EPG5: variants seen among roughly 807,000 people sequenced by gnomAD.
The protein encoded by EPG5 is ectopic P-granules 5 autophagy tethering factor.
A neutral mutation model predicts 302.7 loss-of-function variants in EPG5; 159 were observed. The observed-to-expected ratio is 0.53, with a 90% CI of 0.46 to 0.60. EPG5 has a LOEUF of 0.60. Ranked by LOEUF, EPG5 falls within the 20% of genes least tolerant of loss-of-function variation. The pLI is 0.00. For synonymous variants in EPG5, 1,158 were observed against 1,136.8 expected (o/e 1.02, Z -0.37); for missense variants, 2,896 against 3,092.4 (o/e 0.94, Z 1.51).
rs10607646 is a variant in EPG5, at chr18:45,849,081, C to CAAAAAA, written c.*3380_*3385dup. 1 of 74,616 alleles carries CAAAAAA rather than the reference C, an allele frequency of 1.3e-5. No homozygotes were observed. The highest frequency in any genetic ancestry group is 2.9e-5 in the Non-Finnish European group (1 of 34,386). The allele number at this position is 74,616 out of a possible 1,614,324, so 4.6% of individuals were successfully genotyped here. A position where few individuals can be genotyped will look rare whatever the true frequency, so the allele number is the denominator to read the frequency against. On this transcript the variant is annotated 3_prime_UTR_variant, in exon 44 of 44. Transcript: ENST00000282041. Reference sequence around the variant, plus strand: ...CCTGGGTGACAGATGAGACTCGTCTCAAAAAAAAAAAAAAAAAAAAGACAT... The same window carrying CAAAAAA: ...CCTGGGTGACAGATGAGACTCGTCTCAAAAAAAAAAAAAAAAAAAAAAAAAAGACAT...
intron 11 of EPG5, among the ~76,000 whole-genome samples, chr18:45,932,468 C>T (rs1336116602): frequency 2.6e-5 from 4 of 152,106 alleles, no homozygotes; most frequent in African/African-American, 9.7e-5. Flanking sequence ...AATTTGTTCC[C>T]TGGAAACTGA....
At chr18:45,947,009 C>T (rs948551720) in intron 6 of EPG5, among the ~76,000 whole-genome samples, 5 of 152,248 alleles carry the variant, frequency 3.3e-5, no homozygotes, top group Admixed American at 1.3e-4. Flanking sequence ...ACTAGCACAG[C>T]TCCCTGCATG....
chr18:45,891,309 G>A (rs542310372), intron 27 of EPG5, among the ~76,000 whole-genome samples: 1 of 152,044 alleles, frequency 6.6e-6, no homozygotes, highest in South Asian at 2.1e-4. Context: ...GACATGCCTG[G>A]CCAACGTGGT....
chr18:45,925,289 T>G (rs1274551633), intron 14 of EPG5, among the ~76,000 whole-genome samples: 2 of 152,068 alleles, frequency 1.3e-5, no homozygotes. Context: ...CTGGCCAACA[T>G]GGCAAAACCC....
rs2050483526 is a variant in EPG5, at chr18:45,934,886, A to G, written c.2180T>C (p.Met727Thr). 1 of 1,614,212 alleles carries G rather than the reference A, an allele frequency of 6.2e-7. No homozygotes were observed. The highest frequency in any genetic ancestry group is 2.2e-5 in the East Asian group (1 of 44,882). ...VQMLWKLFYL[M>T]HQVESENLQQ... ...CAGGTTCTCGCTCTCCACCTGGTGCATGAGGTAGAAGAGCTTCCACAGCAT... is the reference window on the plus strand; with the variant it reads ...CAGGTTCTCGCTCTCCACCTGGTGCGTGAGGTAGAAGAGCTTCCACAGCAT... Residue 727 changes from methionine (M) to threonine (T), a missense_variant, in exon 11 of 44, where the codon ATG becomes ACG. By Grantham distance (81) the Met-to-Thr change is moderately conservative. Around this residue, in one of 5 missense-constraint regions of EPG5, gnomAD observed 1,390 missense variants for 1,430.0 expected, o/e 0.97. Transcript: ENST00000282041.
At position 45,849,726 on chromosome 18, in the gene EPG5, TG is replaced by T. The variant is rs2145127487; in HGVS notation, c.*2740del. On this transcript the variant is annotated 3_prime_UTR_variant, in exon 44 of 44. Coordinates refer to ENST00000282041, the MANE Select transcript of EPG5 (RefSeq NM_020964.3). The stretch of plus-strand genomic sequence containing the variant: ...GAGAGACGCAGGCACACAACCCCAG[TG>T]GGGCAGAGGCATGCGATGTCTGAGC... 6.6e-6 allele frequency: 1 copy of T among 152,210 alleles called. No individual in the cohort carries two copies. The highest frequency in any genetic ancestry group is 2.4e-5 in the African/African-American group (1 of 41,526). The allele number at this position is 152,210 out of a possible 1,614,324, so 9.4% of individuals were successfully genotyped here.
the EPG5 span, among the ~76,000 whole-genome samples, chr18:45,839,891 C>G: frequency 6.6e-6 from 1 of 152,182 alleles, no homozygotes; most frequent in African/African-American, 2.4e-5. Flanking sequence ...CTAGTGAGAT[C>G]AGACTTTGTC....
the EPG5 span, among the ~76,000 whole-genome samples, chr18:45,806,800 G>T: frequency 0.018 from 2,770 of 152,280 alleles, 89 homozygotes; most frequent in African/African-American, 0.063. Context: ...CTGGGAAAAG[G>T]CCACAGAGAG....
At chr18:45,869,569 T>C (rs1599453066) in intron 36 of EPG5, among the ~76,000 whole-genome samples, 1 of 152,336 alleles carries the variant, frequency 6.6e-6, no homozygotes, top group Non-Finnish European at 1.5e-5. Flanking sequence ...TATAGTTCTT[T>C]AAACCACCTT....
chr18:45,806,490 G>T, the EPG5 span, among the ~76,000 whole-genome samples: 1 of 152,086 alleles, frequency 6.6e-6, no homozygotes, highest in Non-Finnish European at 1.5e-5. Context: ...CAGATTGCCT[G>T]GGAGACACAA....
At chr18:45,961,240 A>G (rs944790618) in intron 1 of EPG5, among the ~76,000 whole-genome samples, 4 of 152,236 alleles carry the variant, frequency 2.6e-5, no homozygotes, top group Non-Finnish European at 5.9e-5. Context: ...AAGCAGTCAC[A>G]GTGATTCTTT....
chr18:45,945,279 C>T (rs532788680), intron 7 of EPG5, among the ~76,000 whole-genome samples: 1 of 152,256 alleles, frequency 6.6e-6, no homozygotes, highest in African/African-American at 2.4e-5. Flanking sequence ...ACATTTAACC[C>T]CCAGGGAGGC....
Position 45,934,866 on chromosome 18 carries a change from T to C in EPG5, c.2200A>G (p.Asn734Asp), listed in dbSNP as rs1387144639. 5 of 1,614,158 alleles carry C rather than the reference T, an allele frequency of 3.1e-6. No homozygotes were observed. The highest frequency in any genetic ancestry group is 3.4e-6 in the Non-Finnish European group (4 of 1,180,024). The change falls in exon 11 of 44, where the codon AAC becomes GAC. Residue 734 changes from asparagine to aspartate, a missense_variant. Transcript: ENST00000282041. ...FYLMHQVESE[N>D]LQQLSSSLQP... ...AGGGAGGAGGAGAGCTGCTGCAGGT[T>C]CTCGCTCTCCACCTGGTGCATGAGG...
chr18:45,855,526 G>A, intron 43 of EPG5, 47 bp downstream of exon 43: 1 of 1,394,718 alleles, frequency 7.2e-7, no homozygotes, highest in Non-Finnish European at 1.0e-6. Flanking sequence ...CTGCCTTCTA[G>A]GGAAGATGTG....
chr18:45,884,903 G>T, intron 29 of EPG5, 92 bp from the exon 30 acceptor site: 2 of 846,474 alleles, frequency 2.4e-6, no homozygotes, highest in South Asian at 2.2e-5. Context: ...CAAATAAGGT[G>T]AATAGAATTT....
intron 39 of EPG5, among the ~76,000 whole-genome samples, chr18:45,862,337 A>C (rs2048652835): frequency 6.6e-6 from 1 of 152,124 alleles, no homozygotes; most frequent in African/African-American, 2.4e-5. Flanking sequence ...CTTTTTAAAT[A>C]ACTGTTTAAT....
chr18:45,822,450 A>G, the EPG5 span, among the ~76,000 whole-genome samples: 2 of 152,240 alleles, frequency 1.3e-5, no homozygotes, highest in Non-Finnish European at 2.9e-5. Flanking sequence ...TTATAACTAG[A>G]TAGAAGGAAT....
At chr18:45,924,957 C>T (rs797001681) in intron 14 of EPG5, among the ~76,000 whole-genome samples, 3 of 152,232 alleles carry the variant, frequency 2.0e-5, no homozygotes, top group African/African-American at 4.8e-5. Context: ...GCAACTAAGG[C>T]CCAAAGAGTT....
chr18:45,831,132 C>A, the EPG5 span, among the ~76,000 whole-genome samples: 1 of 152,192 alleles, frequency 6.6e-6, no homozygotes, highest in African/African-American at 2.4e-5. Context: ...CTCTGAGGGG[C>A]ATGCCACCAA....
Sources: gnomAD v4.1 joint callset for allele counts (sites outside exome capture counted in the v4.1 genomes callset) on GRCh38, gnomAD v4.1.1 for gene constraint, gnomAD v4.1.1 regional missense constraint, MANE v1.5 for transcripts, NCBI Gene and HGNC (gene_info 2026-07-23, HGNC 2026-07-21) for gene names.